Variants in DCC observed in about 807,000 individuals in gnomAD.
DCC encodes the protein DCC netrin 1 receptor, also known as netrin receptor DCC.
In DCC, 58 loss-of-function variants were observed where a neutral mutation model predicts 172.5. That is an observed-to-expected ratio of 0.34 (90% CI 0.27 to 0.42). The LOEUF is 0.42. Ranked by LOEUF, DCC falls within the 10% of genes least tolerant of loss-of-function variation. The probability of loss-of-function intolerance (pLI) is 1.00; values close to 1 mark genes in which losing one functional copy is unlikely to be tolerated. For synonymous variants in DCC, 709 were observed against 644.5 expected (o/e 1.10, Z -1.52); for missense variants, 1,740 against 1,791.0 (o/e 0.97, Z 0.51).
chr18:52,772,782 C>T (rs984992135), intron 2 of DCC, among the ~76,000 whole-genome samples: 2 of 151,988 alleles, frequency 1.3e-5, no homozygotes, highest in Non-Finnish European at 2.9e-5. Flanking sequence ...GCTGAAATTC[C>T]CCGAGGAGTG....
At chr18:52,402,568 C>T (rs1376820688) in intron 1 of DCC, among the ~76,000 whole-genome samples, 1 of 152,016 alleles carries the variant, frequency 6.6e-6, no homozygotes, top group Non-Finnish European at 1.5e-5. Context: ...CAAATCTCCC[C>T]ACTTAAAGTT....
At chr18:53,434,155 A>T (rs1339543978) in intron 21 of DCC, among the ~76,000 whole-genome samples, 1 of 152,186 alleles carries the variant, frequency 6.6e-6, no homozygotes, top group Non-Finnish European at 1.5e-5. Flanking sequence ...TAAATGTGAG[A>T]AAACAACCTA....
intron 1 of DCC, among the ~76,000 whole-genome samples, chr18:52,400,608 G>A (rs1158783957): frequency 6.6e-6 from 1 of 151,896 alleles, no homozygotes; most frequent in Non-Finnish European, 1.5e-5. Flanking sequence ...AAACCCAAAG[G>A]ATTATAAATC....
At chr18:53,256,023 G>A (rs930369242) in intron 12 of DCC, among the ~76,000 whole-genome samples, 1 of 152,156 alleles carries the variant, frequency 6.6e-6, no homozygotes, top group Admixed American at 6.5e-5. Flanking sequence ...TTTGAGAAGT[G>A]TCTGTTCATG....
At chr18:52,801,989 T>C (rs757614837) in intron 2 of DCC, among the ~76,000 whole-genome samples, 3 of 151,904 alleles carry the variant, frequency 2.0e-5, no homozygotes, top group Non-Finnish European at 4.4e-5. Flanking sequence ...TTATTTTGCA[T>C]TGCATTATTC....
chr18:52,982,185 G>A (rs557368223), intron 5 of DCC, among the ~76,000 whole-genome samples: 3 of 152,244 alleles, frequency 2.0e-5, no homozygotes, highest in South Asian at 4.1e-4. Context: ...GGAGGATAGA[G>A]GGGCAGGATT....
intron 5 of DCC, among the ~76,000 whole-genome samples, chr18:52,986,745 TAC>T (rs1208781592): frequency 2.0e-5 from 3 of 151,966 alleles, no homozygotes; most frequent in African/African-American, 7.3e-5. Context: ...CACATATATA[TAC>T]ACACACACGT....
intron 7 of DCC, among the ~76,000 whole-genome samples, chr18:53,132,127 C>A (rs12966225): frequency 0.31 from 46,751 of 151,452 alleles, 8,975 homozygotes; most frequent in East Asian, 0.58. Context: ...TCTTTGAAGG[C>A]ATAATCACCA....
intron 5 of DCC, among the ~76,000 whole-genome samples, chr18:53,008,747 GA>G (rs35786690): frequency 0.13 from 19,480 of 151,632 alleles, 1,501 homozygotes; most frequent in East Asian, 0.3. Context: ...TATACATTTA[GA>G]AAAAAATTCT....
chr18:53,518,947 T>C (rs1296968120), intron 27 of DCC, among the ~76,000 whole-genome samples: 1 of 152,128 alleles, frequency 6.6e-6, no homozygotes, highest in Non-Finnish European at 1.5e-5. Flanking sequence ...TTTTCACTAA[T>C]AATTTTAAGA....
chr18:53,521,771 C>G (rs1361847858), intron 27 of DCC, among the ~76,000 whole-genome samples: 1 of 151,974 alleles, frequency 6.6e-6, no homozygotes. Flanking sequence ...GTTTCTTAAA[C>G]ATGTTTTTAA....
chr18:52,538,650 T>C (rs1568218333), intron 1 of DCC, among the ~76,000 whole-genome samples: 1 of 152,126 alleles, frequency 6.6e-6, no homozygotes, highest in Non-Finnish European at 1.5e-5. Context: ...CTATCTCCAG[T>C]AGCCCTTTCA....
chr18:52,974,362 C>T (rs899004447), intron 5 of DCC, among the ~76,000 whole-genome samples: 2 of 152,120 alleles, frequency 1.3e-5, no homozygotes, highest in East Asian at 1.9e-4. Context: ...AAGGTCCATT[C>T]CAGCTTTAAC....
At chr18:52,549,406 A>C (rs1202067982) in intron 1 of DCC, among the ~76,000 whole-genome samples, 1 of 151,916 alleles carries the variant, frequency 6.6e-6, no homozygotes, top group Non-Finnish European at 1.5e-5. Context: ...TCCTGTCTGG[A>C]CACTTACCTT....
intron 1 of DCC, among the ~76,000 whole-genome samples, chr18:52,396,060 A>G (rs952103293): frequency 2.0e-5 from 3 of 152,032 alleles, no homozygotes; most frequent in Non-Finnish European, 4.4e-5. Flanking sequence ...TGAGGAAGGA[A>G]AAGGGAAACA....
At chr18:53,143,684 A>G (rs192628056) in intron 7 of DCC, among the ~76,000 whole-genome samples, 1 of 152,390 alleles carries the variant, frequency 6.6e-6, no homozygotes, top group Non-Finnish European at 1.5e-5. Context: ...TGCTTATTGC[A>G]GAGTAGCTGC....
chr18:52,944,700 C>CTGAA (rs2040514283), intron 5 of DCC, among the ~76,000 whole-genome samples: 1 of 152,158 alleles, frequency 6.6e-6, no homozygotes, highest in South Asian at 2.1e-4. Flanking sequence ...CCCAGAGCTA[C>CTGAA]TGAAAATAAA....
At chr18:53,019,209 A>G (rs957694334) in intron 5 of DCC, among the ~76,000 whole-genome samples, 6 of 152,302 alleles carry the variant, frequency 3.9e-5, no homozygotes, top group East Asian at 3.9e-4. Context: ...TCCCAACTCA[A>G]TGTTACTTCA....
intron 12 of DCC, among the ~76,000 whole-genome samples, chr18:53,265,030 G>C (rs2056656582): frequency 6.6e-6 from 1 of 152,154 alleles, no homozygotes; most frequent in African/African-American, 2.4e-5. Context: ...TATGTGCCCA[G>C]AAGTGAGCTG....
Sources: gnomAD v4.1 joint callset for allele counts (sites outside exome capture counted in the v4.1 genomes callset) on GRCh38, gnomAD v4.1.1 for gene constraint, MANE v1.5 for transcripts, NCBI Gene and HGNC (gene_info 2026-07-23, HGNC 2026-07-21) for gene names.